TAF13: variants seen among roughly 807,000 people sequenced by gnomAD.
The protein encoded by TAF13 is transcription initiation factor TFIID subunit 13.
A neutral mutation model predicts 18.7 loss-of-function variants in TAF13; 9 were observed. The ratio of observed to expected loss-of-function variants is 0.48; its 90% CI spans 0.29 to 0.84. The LOEUF (loss-of-function observed/expected upper bound fraction) is 0.84, where lower values mean the gene tolerates loss of function less well. Among genes scored for constraint, TAF13 ranks in the 40% least tolerant of loss-of-function variants. TAF13 has a pLI of 0.08. For synonymous variants in TAF13, 49 were observed against 44.1 expected (o/e 1.11, Z -0.44); for missense variants, 105 against 146.5 (o/e 0.72, Z 1.46).
At chr1:109,075,181 CA>C (rs528037126) in intron 1 of TAF13, 116 bp from the exon 2 acceptor site, 14,461 of 599,712 alleles carry the variant, frequency 0.024, no homozygotes, top group South Asian at 0.032. Context: ...AAGGAAGCAG[CA>C]AAAAAAAAAA....
intron 2 of TAF13, among the ~76,000 whole-genome samples, chr1:109,071,954 G>GAAAAAA (rs1171636503): frequency 1.5e-4 from 6 of 40,480 alleles, no homozygotes; most frequent in Non-Finnish European, 3.2e-4. Context: ...GTCTCAAAAA[G>GAAAAAA]AAAATATATA....
At chr1:109,065,661 G>A (rs34694685) in intron 3 of TAF13, among the ~76,000 whole-genome samples, 72,142 of 151,766 alleles carry the variant, frequency 0.48, 18,078 homozygotes, top group South Asian at 0.56. Flanking sequence ...GTTGGCTCAC[G>A]CTTGTAATCC....
chr1:109,072,607 G>A (rs1664095592), intron 2 of TAF13, among the ~76,000 whole-genome samples: 2 of 151,698 alleles, frequency 1.3e-5, no homozygotes, highest in Non-Finnish European at 2.9e-5. Context: ...ACCATGCCCT[G>A]CTAATTTTTG....
At chr1:109,066,593 T>C (rs1417855249) in intron 2 of TAF13, among the ~76,000 whole-genome samples, 1 of 152,178 alleles carries the variant, frequency 6.6e-6, no homozygotes, top group Non-Finnish European at 1.5e-5. Flanking sequence ...TTAGCCTTTT[T>C]TGGAGGTGGT....
intron 2 of TAF13, among the ~76,000 whole-genome samples, chr1:109,070,701 A>G (rs998132825): frequency 1.3e-5 from 2 of 150,254 alleles, no homozygotes; most frequent in East Asian, 1.9e-4. Flanking sequence ...GTCCCCCCCA[A>G]ATTTTTTTTT....
Position 109,075,910 on chromosome 1 carries a change from C to G in TAF13, c.27+11G>C. 1 of 1,614,220 alleles carries G rather than the reference C, an allele frequency of 6.2e-7. No individual in the cohort carries two copies. Among genetic ancestry groups the G allele is most frequent in the Non-Finnish European group, 8.5e-7 (1 of 1,180,024 alleles). On this transcript the variant is annotated intron_variant, in intron 1 of 3. Transcript: ENST00000338366. Reference sequence around the variant, plus strand: ...AGAAAAGACAGGTTTTGGACAGAGACGGTCACTCACCGTGGGGTCTTCTTC... The same window carrying G: ...AGAAAAGACAGGTTTTGGACAGAGAGGGTCACTCACCGTGGGGTCTTCTTC...
At chr1:109,071,177 ACG>A (rs1664043680) in intron 2 of TAF13, among the ~76,000 whole-genome samples, 1 of 152,114 alleles carries the variant, frequency 6.6e-6, no homozygotes, top group Non-Finnish European at 1.5e-5. Context: ...ACGGTGGCTC[ACG>A]CCTGTAATTC....
intron 1 of TAF13, 35 bp downstream of exon 1, chr1:109,075,886 G>C: frequency 1.2e-6 from 2 of 1,614,176 alleles, no homozygotes; most frequent in South Asian, 1.1e-5. Flanking sequence ...AAGGAGTGAA[G>C]AAAAGACAGG....
intron 3 of TAF13, among the ~76,000 whole-genome samples, 195 bp from the exon 4 acceptor site, chr1:109,064,888 T>A (rs1022601216): frequency 3.9e-5 from 6 of 152,160 alleles, no homozygotes; most frequent in Non-Finnish European, 7.4e-5. Flanking sequence ...TTCTCCTTTA[T>A]GCTTCACAGG....
Position 109,075,044 on chromosome 1 carries a change from T to G in TAF13, c.49A>C (p.Ile17Leu), listed in dbSNP as rs1664157306. 6.2e-7 allele frequency: 1 copy of G among 1,607,664 alleles called. No homozygotes were observed. The highest frequency in any genetic ancestry group is 1.3e-5 in the African/African-American group (1 of 74,644). Residue 17 changes from isoleucine (I) to leucine (L), a missense_variant, in exon 2 of 4, where the codon ATT (isoleucine) becomes CTT (leucine). Physicochemically the swap from Ile to Leu is conservative, Grantham distance 5 (BLOSUM62 2). Coordinates refer to ENST00000338366, the MANE Select transcript of TAF13 (RefSeq NM_005645.4). ...DPTFEEENEE[I>L]GGGAEGGQGK... Reference sequence around the variant, plus strand: ...TGTCCACCTTCTGCACCTCCTCCAATTTCTTCATTTTCTTCCTCAAACTAG... The same window carrying G: ...TGTCCACCTTCTGCACCTCCTCCAAGTTCTTCATTTTCTTCCTCAAACTAG...
chr1:109,075,194 C>G, intron 1 of TAF13, 129 bp from the exon 2 acceptor site: 1 of 747,606 alleles, frequency 1.3e-6, no homozygotes, highest in Non-Finnish European at 2.2e-6. Context: ...AAAAAAAAAC[C>G]ACGAAACCTT....
At chr1:109,065,397 G>C (rs1663934441) in intron 3 of TAF13, among the ~76,000 whole-genome samples, 1 of 152,024 alleles carries the variant, frequency 6.6e-6, no homozygotes, top group Non-Finnish European at 1.5e-5. Context: ...GCTGAGGTGG[G>C]AGGACCACTT....
rs1466914938 is a variant in TAF13 at position 109,064,470 on chromosome 1, A to G, written c.*53T>C. 7.7e-7 allele frequency: 1 copy of G among 1,307,060 alleles called. No individual in the cohort carries two copies. Among genetic ancestry groups the G allele is most frequent in the East Asian group, 2.8e-5 (1 of 36,020 alleles). 81.0% of individuals were successfully genotyped at this position (1,307,060 alleles called of 1,614,324 possible). A position where few individuals can be genotyped will look rare whatever the true frequency, so the allele number is the denominator to read the frequency against. On this transcript the variant is annotated 3_prime_UTR_variant, in exon 4 of 4. Transcript: ENST00000338366. ...CAGAATCTTACTTTAGAAAATATACAATTATTATATATGGTTTCCCCAGAT... is the reference window on the plus strand; with the variant it reads ...CAGAATCTTACTTTAGAAAATATACGATTATTATATATGGTTTCCCCAGAT...
intron 2 of TAF13, 56 bp downstream of exon 2, chr1:109,074,931 G>A (rs1664155262): frequency 7.7e-7 from 1 of 1,298,960 alleles, no homozygotes; most frequent in Non-Finnish European, 1.1e-6. Flanking sequence ...ACTTTGAAAG[G>A]ACATGTCCAA....
At chr1:109,068,435 C>T (rs1167772900) in intron 2 of TAF13, among the ~76,000 whole-genome samples, 1 of 152,172 alleles carries the variant, frequency 6.6e-6, no homozygotes, top group Non-Finnish European at 1.5e-5. Flanking sequence ...CCACACCCAG[C>T]CATTTAAAAT....
At chr1:109,070,728 T>C (rs1350117229) in intron 2 of TAF13, among the ~76,000 whole-genome samples, 2 of 152,140 alleles carry the variant, frequency 1.3e-5, no homozygotes, top group African/African-American at 4.8e-5. Flanking sequence ...TTCAGGAGAA[T>C]AGATCTTTCG....
rs1330641226 is a variant in TAF13, at chr1:109,072,095, T to C, written c.106+2892A>G. ...ATATATACACACACATATATATATATATATATATATATATATATATACACA... is the reference window on the plus strand; with the variant it reads ...ATATATACACACACATATATATATACATATATATATATATATATATACACA... On this transcript the variant is annotated intron_variant, in intron 2 of 3. Transcript: ENST00000338366. Among the ~76,000 whole-genome samples the C allele has an allele frequency of 2.5e-4, 2 of 7,966 alleles. 1 individual carries two copies. The highest frequency in any genetic ancestry group is 7.8e-4 in the African/African-American group (2 of 2,554). 5.2% of individuals were successfully genotyped at this position (7,966 alleles called of 152,430 possible).
intron 2 of TAF13, among the ~76,000 whole-genome samples, chr1:109,072,025 TATATATATATATATATATACACACAC>T (rs1664075757): frequency 2.2e-4 from 1 of 4,568 alleles, no homozygotes; most frequent in African/African-American, 7.4e-4. Flanking sequence ...CACACACATA[TATATATATATATATATATACACACAC>T]ATATATATAT....
rs567525635 is a variant in TAF13 at position 109,071,674 on chromosome 1, G to A, written c.106+3313C>T. Among the ~76,000 whole-genome samples the A allele has an allele frequency of 5.3e-5, 8 of 151,740 alleles. No individual in the cohort carries two copies. The South Asian group carries it at 1.7e-3, about 32-fold the overall frequency. On this transcript the variant is annotated intron_variant, in intron 2 of 3. Coordinates refer to ENST00000338366, the MANE Select transcript of TAF13 (RefSeq NM_005645.4). ...TTAAAAAAGATACACTGACGCTGAAGCTGGGCACGGTGGTTCATGCTTGTA... is the reference window on the plus strand; with the variant it reads ...TTAAAAAAGATACACTGACGCTGAAACTGGGCACGGTGGTTCATGCTTGTA...
Sources: gnomAD v4.1 joint callset for allele counts (sites outside exome capture counted in the v4.1 genomes callset) on GRCh38, gnomAD v4.1.1 for gene constraint, MANE v1.5 for transcripts, NCBI Gene and HGNC (gene_info 2026-07-23, HGNC 2026-07-21) for gene names.